ELOVL6: variants seen among roughly 807,000 people sequenced by gnomAD.
ELOVL6 encodes ELOVL fatty acid elongase 6.
Under a neutral mutation model 31.7 loss-of-function variants are expected in ELOVL6, and 8 were observed. The ratio of observed to expected loss-of-function variants is 0.25; its 90% confidence interval spans 0.15 to 0.45. ELOVL6 has a LOEUF of 0.45. ELOVL6 is among the 20% of genes least tolerant of loss of function. The probability of loss-of-function intolerance (pLI) is 1.00; values close to 1 mark genes in which losing one functional copy is unlikely to be tolerated. For synonymous variants in ELOVL6, 101 were observed against 117.7 expected (o/e 0.86, Z 0.92); for missense variants, 126 against 326.4 (o/e 0.39, Z 4.73).
chr4:110,194,120 G>A (rs1256668105), intron 1 of ELOVL6, among the ~76,000 whole-genome samples: 1 of 152,202 alleles, frequency 6.6e-6, no homozygotes, highest in Non-Finnish European at 1.5e-5. Context: ...TGAATTATAT[G>A]TCGCCTTAGC....
chr4:110,111,279 C>T (rs908299451), intron 1 of ELOVL6, among the ~76,000 whole-genome samples: 2 of 151,248 alleles, frequency 1.3e-5, no homozygotes, highest in Non-Finnish European at 2.9e-5. Context: ...AATGTTAAAA[C>T]GAAAAAACTG....
At chr4:110,126,419 A>G (rs1757499982) in intron 1 of ELOVL6, among the ~76,000 whole-genome samples, 1 of 152,106 alleles carries the variant, frequency 6.6e-6, no homozygotes, top group Admixed American at 6.6e-5. Context: ...ATTAATGACA[A>G]ATCAGTAACT....
rs975228709 is a variant in ELOVL6 at position 110,096,788 on chromosome 4, T to G, written c.221+8709A>C. Among the ~76,000 whole-genome samples, 4 of 152,298 alleles carry G rather than the reference T, an allele frequency of 2.6e-5. No individual in the cohort carries two copies. In the South Asian group the frequency reaches 8.3e-4, roughly 32 times the overall value. On this transcript the variant is annotated intron_variant, in intron 2 of 3. Transcript: ENST00000302274. ...TATCCTGTAGCTGCAATTTGTTAGG[T>G]AGTTATGTTACTGCATGTATAGGTC...
intron 1 of ELOVL6, among the ~76,000 whole-genome samples, chr4:110,129,389 T>C (rs537789467): frequency 6.6e-6 from 1 of 152,268 alleles, no homozygotes; most frequent in East Asian, 1.9e-4. Context: ...TTATAGTAAG[T>C]GATACACCCC....
chr4:110,133,513 G>A (rs1288432942), intron 1 of ELOVL6, among the ~76,000 whole-genome samples: 1 of 152,164 alleles, frequency 6.6e-6, no homozygotes, highest in African/African-American at 2.4e-5. Flanking sequence ...AAGAGGTAAG[G>A]TGACAGGCTT....
intron 1 of ELOVL6, among the ~76,000 whole-genome samples, chr4:110,140,488 G>T (rs2126260990): frequency 6.6e-6 from 1 of 152,106 alleles, no homozygotes; most frequent in East Asian, 1.9e-4. Context: ...AAGTGCAGTG[G>T]TGCAATCACA....
At chr4:110,053,390 G>A (rs1340209501) in intron 3 of ELOVL6, among the ~76,000 whole-genome samples, 1 of 152,230 alleles carries the variant, frequency 6.6e-6, no homozygotes, top group African/African-American at 2.4e-5. Context: ...AGACTTCTAA[G>A]GTTCTAATGG....
intron 3 of ELOVL6, among the ~76,000 whole-genome samples, chr4:110,057,631 A>G (rs563886047): frequency 3.3e-5 from 5 of 152,096 alleles, no homozygotes; most frequent in Non-Finnish European, 7.4e-5. Context: ...CGGGCTGATT[A>G]CCTGAGGTCA....
At chr4:110,171,190 C>G (rs761599598) in intron 1 of ELOVL6, among the ~76,000 whole-genome samples, 1 of 152,060 alleles carries the variant, frequency 6.6e-6, no homozygotes, top group Non-Finnish European at 1.5e-5. Flanking sequence ...GGCAGATCAC[C>G]GGAGGTCAGT....
chr4:110,090,868 G>C (rs1756407025), intron 2 of ELOVL6, among the ~76,000 whole-genome samples: 1 of 152,124 alleles, frequency 6.6e-6, no homozygotes, highest in African/African-American at 2.4e-5. Context: ...CTCCCAAAGT[G>C]CTAGGATTAC....
At chr4:110,190,786 T>G (rs1472900919) in intron 1 of ELOVL6, among the ~76,000 whole-genome samples, 1 of 149,198 alleles carries the variant, frequency 6.7e-6, no homozygotes, top group Non-Finnish European at 1.5e-5. Context: ...ATTACAAGTA[T>G]AAGCCACCAT....
chr4:110,058,520 T>C (rs28415825), intron 3 of ELOVL6, among the ~76,000 whole-genome samples: 3,485 of 152,190 alleles, frequency 0.023, 78 homozygotes, highest in African/African-American at 0.058. Flanking sequence ...CCCACACAAA[T>C]CAGACAGTTC....
At chr4:110,128,767 T>A (rs1252235342) in intron 1 of ELOVL6, among the ~76,000 whole-genome samples, 2 of 152,208 alleles carry the variant, frequency 1.3e-5, no homozygotes, top group East Asian at 3.8e-4. Flanking sequence ...GATATAAAAT[T>A]ATGCTCCTCC....
chr4:110,163,928 G>A (rs2126270306), intron 1 of ELOVL6, among the ~76,000 whole-genome samples: 1 of 152,262 alleles, frequency 6.6e-6, no homozygotes, highest in South Asian at 2.1e-4. Flanking sequence ...GGCAATTTGG[G>A]AGCAATGAAA....
At chr4:110,191,973 T>C (rs1303986604) in intron 1 of ELOVL6, among the ~76,000 whole-genome samples, 1 of 152,058 alleles carries the variant, frequency 6.6e-6, no homozygotes, top group Non-Finnish European at 1.5e-5. Flanking sequence ...GTGGATCACC[T>C]GAAGTCAGGA....
chr4:110,093,951 C>T (rs955848404), intron 2 of ELOVL6, among the ~76,000 whole-genome samples: 1 of 151,948 alleles, frequency 6.6e-6, no homozygotes, highest in Non-Finnish European at 1.5e-5. Context: ...AGGAACAAGC[C>T]ATTAGAATAT....
At chr4:110,090,600 C>CTTTTT (rs544234717) in intron 2 of ELOVL6, among the ~76,000 whole-genome samples, 30 of 103,710 alleles carry the variant, frequency 2.9e-4, no homozygotes, top group African/African-American at 5.1e-4. Flanking sequence ...GTTTGACTTT[C>CTTTTT]TTTTTTTTTT....
chr4:110,096,005 T>C (rs1412580148), intron 2 of ELOVL6, among the ~76,000 whole-genome samples: 3 of 148,152 alleles, frequency 2.0e-5, no homozygotes, highest in Non-Finnish European at 3.0e-5. Context: ...GTGTCAAACG[T>C]TTGGAAATAT....
At chr4:110,171,596 C>T (rs972784049) in intron 1 of ELOVL6, among the ~76,000 whole-genome samples, 1 of 150,356 alleles carries the variant, frequency 6.7e-6, no homozygotes, top group South Asian at 2.1e-4. Context: ...GGGTGGTGCA[C>T]GTAGGGAGGA....
Sources: allele counts gnomAD v4.1 joint callset (sites outside exome capture counted in the v4.1 genomes callset), GRCh38; gene constraint gnomAD v4.1.1; transcripts MANE v1.5; gene names NCBI Gene and HGNC (gene_info 2026-07-23, HGNC 2026-07-21).